LCTL: variants seen among roughly 807,000 people sequenced by gnomAD.
LCTL encodes the protein lactase-like protein.
A neutral mutation model predicts 75.8 loss-of-function variants in LCTL; 76 were observed. The observed-to-expected ratio is 1.00, with a 90% CI of 0.83 to 1.21. The LOEUF is 1.21. LCTL is among the 50% of genes most tolerant of loss of function. LCTL has a pLI of 0.00. For synonymous variants in LCTL, 271 were observed against 268.8 expected, an observed-to-expected ratio of 1.01 and a Z score of -0.08; for missense variants, 670 against 712.4, an observed-to-expected ratio of 0.94 and a Z score of 0.68.
chr15:66,556,366 G>A (rs574783438), intron 8 of LCTL, among the ~76,000 whole-genome samples: 8 of 152,118 alleles, frequency 5.3e-5, no homozygotes, highest in African/African-American at 1.7e-4. Flanking sequence ...GTGCAGTGGC[G>A]AGATCTCGGC....
intron 8 of LCTL, among the ~76,000 whole-genome samples, chr15:66,554,948 T>C (rs1895706011): frequency 2.0e-5 from 3 of 152,234 alleles, no homozygotes; most frequent in Admixed American, 6.5e-5. Context: ...ATATTTTTTG[T>C]ACTTTAAAAA....
At chr15:66,561,404 C>A in intron 4 of LCTL, 89 bp from the exon 6 acceptor site, 1 of 1,458,814 alleles carries the variant, frequency 6.9e-7, no homozygotes, top group Non-Finnish European at 9.5e-7. Flanking sequence ...CTCAGACAAA[C>A]AGGAGGGAGG....
chr15:66,562,804 G>A (rs1212611176), intron 4 of LCTL, among the ~76,000 whole-genome samples: 3 of 152,108 alleles, frequency 2.0e-5, no homozygotes, highest in East Asian at 1.9e-4. Context: ...GGCTGGTCTC[G>A]AAGTCCTGAC....
chr15:66,557,366 G>A (rs868562296), intron 8 of LCTL, among the ~76,000 whole-genome samples: 6 of 152,142 alleles, frequency 3.9e-5, no homozygotes, highest in African/African-American at 9.7e-5. Context: ...AGAAAGAACC[G>A]ACAATAGAAG....
chr15:66,561,222 G>A (rs1412316049), exon 5 of LCTL: 8 of 1,614,202 alleles, frequency 5.0e-6, no homozygotes, highest in Non-Finnish European at 5.1e-6. Flanking sequence ...TGCTTCACAC[G>A]GTCCCCAAAG....
intron 8 of LCTL, among the ~76,000 whole-genome samples, chr15:66,555,933 AAC>A (rs1237004356): frequency 3.9e-5 from 6 of 152,212 alleles, no homozygotes; most frequent in African/African-American, 1.2e-4. Context: ...TCATTAGGGA[AAC>A]ACAAATCAAA....
rs543599475 is a variant in LCTL, at chr15:66,552,193, A to G, written c.1198-24T>C. ...GTCTGAAAGTGAGTCATAGCAACAA[A>G]TATCTTAAAAATTCTGACCTACAGG... On this transcript the variant is annotated intron_variant, in intron 9 of 12. Transcript: ENST00000341509. 30 of 1,595,824 alleles carry G rather than the reference A, an allele frequency of 1.9e-5. No individual in the cohort carries two copies. The Admixed American group carries it at 2.9e-4, about 15-fold the overall frequency.
intron 10 of LCTL, 85 bp downstream of exon 11, chr15:66,551,958 A>G: frequency 6.5e-7 from 1 of 1,546,652 alleles, no homozygotes. Context: ...TGAGATTTAG[A>G]AGCAAGTTTC....
chr15:66,548,162 C>G (rs1299395492), exon 13 of LCTL: 2 of 174,646 alleles, frequency 1.1e-5, no homozygotes, highest in East Asian at 1.5e-4. Context: ...TATTTCTGGA[C>G]AGATTTTAGA....
In LCTL at chr15:66,561,253, G is replaced by A. The variant is rs143189433; in HGVS notation, c.543C>T (p.Tyr181=). 7.0e-4 allele frequency: 1,122 copies of A among 1,614,190 alleles called. 7 individuals carry two copies. The highest frequency in any genetic ancestry group is 1.9e-3 in the African/African-American group (143 of 75,052). Residue 181 remains tyrosine, a synonymous_variant, in exon 5 of 13, where the codon TAC becomes TAT. Coordinates refer to ENST00000341509, the Ensembl canonical transcript of LCTL. Reference sequence around the variant, plus strand: ...CAAAGGCCTCAAAGCACAGGTTGGCGTAGTCTCTGAAGTAGTTGGCCATGC... The same window carrying A: ...CAAAGGCCTCAAAGCACAGGTTGGCATAGTCTCTGAAGTAGTTGGCCATGC...
chr15:66,561,163 C>T, intron 5 of LCTL, 24 bp downstream of exon 6: 1 of 1,614,144 alleles, frequency 6.2e-7, no homozygotes, highest in Non-Finnish European at 8.5e-7. Context: ...GTCACATTCT[C>T]CCACCTGGAG....
At position 66,551,709 on chromosome 15, in the gene LCTL, AT is replaced by A; in HGVS notation, c.1476del (p.Gln492HisfsTer42). On this transcript the variant is annotated frameshift_variant, in exon 11 of 13. Transcript: ENST00000341509. LOFTEE classifies it high-confidence loss of function. ...TTGGCAATGATAATCTTCTTGTAAT[AT>A]TGAACTGAAGCCTTTGGATAGCGAG... The A allele has an allele frequency of 6.2e-7, 1 of 1,614,140 alleles. No homozygotes were observed. The highest frequency in any genetic ancestry group is 8.5e-7 in the Non-Finnish European group (1 of 1,180,020).
In LCTL at chr15:66,564,855, C is replaced by A. The variant is rs1316193008; in HGVS notation, c.119-16G>T. The A allele has an allele frequency of 1.9e-6, 3 of 1,605,772 alleles. No homozygotes were observed. Among genetic ancestry groups the A allele is most frequent in the Non-Finnish European group, 2.5e-6 (3 of 1,178,502 alleles). ...CAGGAGAAGCCTGCAGGGGGAGACC[C>A]GTGCTGGGTCCCAGGTGCTCCCATG... is the stretch of plus-strand genomic sequence containing the variant. On this transcript the variant is annotated splice_polypyrimidine_tract_variant and intron_variant, in intron 1 of 12. Coordinates refer to ENST00000341509, the Ensembl canonical transcript of LCTL.
At chr15:66,559,456 C>T (rs1294316377) in intron 6 of LCTL, among the ~76,000 whole-genome samples, 1 of 152,156 alleles carries the variant, frequency 6.6e-6, no homozygotes, top group African/African-American at 2.4e-5. Context: ...ACCTGTAATC[C>T]CAAAACTTTG....
intron 6 of LCTL, 29 bp from the exon 8 acceptor site, chr15:66,558,065 G>T: frequency 6.4e-7 from 1 of 1,568,698 alleles, no homozygotes; most frequent in Non-Finnish European, 8.7e-7. Context: ...TTCATCGTAG[G>T]TACCTGGCCC....
rs76150906 is a variant in LCTL, at chr15:66,564,757, G to A, written c.201C>T (p.Asp67=). The change falls in exon 2 of 13, where the codon GAC becomes GAT. Residue 67 remains aspartate, a synonymous_variant. Transcript: ENST00000341509. ...TCCCCTTCCCACTGTGTGTGAAGAC[G>A]TCCCAGATGCTAGGCCCTTTCCCGT... The A allele has an allele frequency of 4.7e-3, 7,551 of 1,613,594 alleles. 275 individuals are homozygous for A. The African/African-American group carries it at 0.084, about 18-fold the overall frequency.
chr15:66,558,876 A>T (rs1368713296), intron 6 of LCTL, among the ~76,000 whole-genome samples: 1 of 151,300 alleles, frequency 6.6e-6, no homozygotes, highest in African/African-American at 2.4e-5. Flanking sequence ...TTGTACTTTT[A>T]GTAGAGATAG....
exon 8 of LCTL, chr15:66,557,728 A>G: frequency 6.2e-7 from 1 of 1,614,014 alleles, no homozygotes; most frequent in Non-Finnish European, 8.5e-7. Flanking sequence ...TCACCAATGT[A>G]GTCCTTCATG....
chr15:66,563,481 C>T lies in LCTL; in HGVS notation c.480+35G>A, dbSNP rs369815662. 1,024 of 1,485,444 alleles carry T rather than the reference C, an allele frequency of 6.9e-4. 1 individual carries two copies. The highest frequency in any genetic ancestry group is 2.1e-3 in the Admixed American group (126 of 59,030). 92.0% of individuals were successfully genotyped at this position (1,485,444 alleles called of 1,614,324 possible). ...TGGGCTCCCTCCTGCTTAGTTGAGT[C>T]CCCTTTGGGCCTGTGAGCCTGCTCA... On this transcript the variant is annotated intron_variant, in intron 4 of 12. Coordinates refer to ENST00000341509, the Ensembl canonical transcript of LCTL.
Sources: allele counts gnomAD v4.1 joint callset (sites outside exome capture counted in the v4.1 genomes callset), GRCh38; gene constraint gnomAD v4.1.1; transcripts MANE v1.5; gene names NCBI Gene and HGNC (gene_info 2026-07-23, HGNC 2026-07-21).